Variants in KAZN observed in about 807,000 individuals in gnomAD.
The protein encoded by KAZN is kazrin, periplakin interacting protein.
A neutral mutation model predicts 87.4 loss-of-function variants in KAZN; 40 were observed. That is an observed-to-expected ratio of 0.46 (90% CI 0.36 to 0.60). The LOEUF (loss-of-function observed/expected upper bound fraction) is 0.60, where lower values mean the gene tolerates loss of function less well. Among genes scored for constraint, KAZN ranks in the 20% least tolerant of loss-of-function variants. The pLI is 0.00. For synonymous variants in KAZN, 466 were observed against 458.3 expected (o/e 1.02, Z -0.22); for missense variants, 898 against 1,073.9 (o/e 0.84, Z 2.29).
At chr1:14,469,486 C>T (rs566869249) in intron 2 of KAZN, among the ~76,000 whole-genome samples, 2 of 152,316 alleles carry the variant, frequency 1.3e-5, no homozygotes, top group Non-Finnish European at 2.9e-5. Flanking sequence ...GGTTATTTTG[C>T]TAGCAGAAAA....
intron 2 of KAZN, among the ~76,000 whole-genome samples, chr1:14,999,790 G>A (rs932612024): frequency 2.6e-5 from 4 of 152,194 alleles, no homozygotes; most frequent in African/African-American, 9.7e-5. Flanking sequence ...GAGGGAGTGG[G>A]CACTCTGCCC....
intron 2 of KAZN, among the ~76,000 whole-genome samples, chr1:14,397,971 A>T (rs961125734): frequency 1.3e-5 from 2 of 151,846 alleles, no homozygotes; most frequent in African/African-American, 2.4e-5. Flanking sequence ...AGACATATGG[A>T]GCCAAAATAC....
intron 2 of KAZN, among the ~76,000 whole-genome samples, chr1:14,961,202 T>C (rs1037076140): frequency 1.3e-5 from 2 of 152,200 alleles, no homozygotes; most frequent in Admixed American, 1.3e-4. Context: ...CCCAGCACCC[T>C]TGGGGTCCTT....
At position 14,315,199 on chromosome 1, in the gene KAZN, A is replaced by G. The variant is rs1375964932; in HGVS notation, c.249+134607A>G. Reference sequence around the variant, plus strand: ...TTCCCTTGTTCTTTATCTGTCTCCAAAACCACAGAAGAAATGTTCCTTAAG... The same window carrying G: ...TTCCCTTGTTCTTTATCTGTCTCCAGAACCACAGAAGAAATGTTCCTTAAG... On this transcript the variant is annotated intron_variant, in intron 2 of 16. Coordinates refer to the KAZN transcript ENST00000636203. Among the ~76,000 whole-genome samples the G allele has an allele frequency of 7.9e-5, 12 of 152,076 alleles. 1 individual carries two copies. In the East Asian group the frequency reaches 2.1e-3, roughly 27 times the overall value.
intron 1 of KAZN, among the ~76,000 whole-genome samples, chr1:14,076,002 CTG>C (rs1338015153): frequency 2.0e-5 from 3 of 152,192 alleles, no homozygotes; most frequent in Non-Finnish European, 4.4e-5. Context: ...GAAATGTAGA[CTG>C]GGCGCGGTGG....
In KAZN at chr1:14,369,445, G is replaced by A. The variant is rs190320307; in HGVS notation, c.249+188853G>A. Among the ~76,000 whole-genome samples the A allele has an allele frequency of 2.6e-3, 397 of 152,248 alleles. 3 individuals are homozygous for A. Among genetic ancestry groups the A allele is most frequent in the African/African-American group, 8.7e-3 (363 of 41,542 alleles). On this transcript the variant is annotated intron_variant, in intron 2 of 16. Coordinates refer to the KAZN transcript ENST00000636203. ...AAATCTGTGGAGCTGAAGCTAGTCC[G>A]CTTCAAAGAAGGAGCCTTGAAATGT...
intron 2 of KAZN, among the ~76,000 whole-genome samples, chr1:14,363,633 T>C (rs896017240): frequency 2.6e-5 from 4 of 152,254 alleles, no homozygotes; most frequent in Non-Finnish European, 4.4e-5. Context: ...GTCAGGAAAC[T>C]TTAACCTATG....
chr1:14,534,046 G>A (rs569214992), intron 2 of KAZN, among the ~76,000 whole-genome samples: 1 of 152,142 alleles, frequency 6.6e-6, no homozygotes, highest in Non-Finnish European at 1.5e-5. Context: ...AACCGTCCTG[G>A]GGTTGAGTCC....
intron 2 of KAZN, among the ~76,000 whole-genome samples, chr1:14,484,057 A>C (rs915841632): frequency 2.6e-5 from 4 of 152,176 alleles, no homozygotes; most frequent in Non-Finnish European, 4.4e-5. Flanking sequence ...ATCTTTATTG[A>C]AAATTGATTG....
At chr1:14,346,132 C>T (rs1658088298) in intron 2 of KAZN, among the ~76,000 whole-genome samples, 1 of 152,190 alleles carries the variant, frequency 6.6e-6, no homozygotes, top group African/African-American at 2.4e-5. Flanking sequence ...ATCGTCCAGG[C>T]AGACTTTGGG....
chr1:14,650,913 T>C (rs944433242), intron 1 of KAZN, among the ~76,000 whole-genome samples: 4 of 152,130 alleles, frequency 2.6e-5, no homozygotes, highest in African/African-American at 7.2e-5. Context: ...AGAAAACAAA[T>C]TGAATACTGA....
Position 15,010,446 on chromosome 1 carries a change from A to G in KAZN, c.419-24303A>G, listed in dbSNP as rs1221523144. 2.2e-5 allele frequency among the ~76,000 whole-genome samples: 3 copies of G among 135,240 alleles called. No homozygotes were observed. In the East Asian group the frequency reaches 6.6e-4, roughly 30 times the overall value. The allele number at this position is 135,240 out of a possible 152,430, so 88.7% of individuals were successfully genotyped here. On this transcript the variant is annotated intron_variant, in intron 2 of 14. Transcript: ENST00000376030. ...CGCTCTGCTGCTCAGGCTGGAGTGC[A>G]GTGGCGCAATCTCGGTTCACTGCAA...
intron 1 of KAZN, among the ~76,000 whole-genome samples, chr1:14,147,865 A>G (rs1362478765): frequency 6.6e-6 from 1 of 151,874 alleles, no homozygotes; most frequent in Non-Finnish European, 1.5e-5. Flanking sequence ...CCTGGTACAT[A>G]AGAGGTTTTT....
intron 1 of KAZN, among the ~76,000 whole-genome samples, chr1:13,956,310 C>CTTTTTTTTTTTTTTTTTTT: frequency 7.2e-6 from 1 of 138,536 alleles, no homozygotes; most frequent in Non-Finnish European, 1.6e-5. Flanking sequence ...TCTTTTTTTT[C>CTTTTTTTTTTTTTTTTTTT]TTTTTTTTTT....
chr1:14,221,692 T>A (rs1647102067), intron 2 of KAZN, among the ~76,000 whole-genome samples: 1 of 152,160 alleles, frequency 6.6e-6, no homozygotes, highest in Non-Finnish European at 1.5e-5. Flanking sequence ...CCACTGAATG[T>A]CATATCATTT....
At position 14,299,791 on chromosome 1, in the gene KAZN, A is replaced by G. The variant is rs1035805278; in HGVS notation, c.249+119199A>G. ...CTGAACACATTTAAAGCTTCTGCTC[A>G]CATCACATTTACTAAAGTTCATTAG... On this transcript the variant is annotated intron_variant, in intron 2 of 16. Coordinates refer to the KAZN transcript ENST00000636203. Among the ~76,000 whole-genome samples, 7 of 152,348 alleles carry G rather than the reference A, an allele frequency of 4.6e-5. No homozygotes were observed. In the South Asian group the frequency reaches 1.2e-3, roughly 27 times the overall value.
chr1:13,955,865 A>G (rs1400690320), intron 1 of KAZN, among the ~76,000 whole-genome samples: 2 of 152,118 alleles, frequency 1.3e-5, no homozygotes, highest in East Asian at 3.8e-4. Flanking sequence ...ACTTCTTAGT[A>G]CCCCTCCTCT....
At chr1:15,044,251 C>A in intron 4 of KAZN, 92 bp downstream of exon 4, 2 of 415,970 alleles carry the variant, frequency 4.8e-6, no homozygotes, top group Non-Finnish European at 3.7e-6. Flanking sequence ...CATCGGAGAC[C>A]TAGGGTGGGG....
intron 2 of KAZN, among the ~76,000 whole-genome samples, chr1:14,522,198 T>C (rs973058343): frequency 3.9e-5 from 6 of 152,194 alleles, no homozygotes; most frequent in African/African-American, 1.2e-4. Context: ...TGCTTCTCTC[T>C]CCTGGCATAG....
Sources: allele counts gnomAD v4.1 joint callset (sites outside exome capture counted in the v4.1 genomes callset), GRCh38; gene constraint gnomAD v4.1.1; transcripts MANE v1.5; gene names NCBI Gene and HGNC (gene_info 2026-07-23, HGNC 2026-07-21).